Variants in FLNA observed in about 807,000 individuals in gnomAD.
FLNA encodes filamin-A.
A neutral mutation model predicts 157.6 loss-of-function variants in FLNA; 7 were observed. That is an observed-to-expected ratio of 0.04 (90% CI 0.03 to 0.08). FLNA has a LOEUF of 0.08. FLNA is among the 10% of genes least tolerant of loss of function. The pLI is 1.00. For synonymous variants in FLNA, 1,103 were observed against 1,060.8 expected (o/e 1.04, Z -0.77); for missense variants, 1,750 against 2,398.4 (o/e 0.73, Z 5.65).
In FLNA at chrX:154,353,470, GGCCA is replaced by G. The variant is rs2067638275; in HGVS notation, c.5861-17_5861-14del. On this transcript the variant is annotated splice_polypyrimidine_tract_variant and intron_variant, in intron 36 of 47. Coordinates refer to ENST00000369850, the MANE Select transcript of FLNA (RefSeq NM_001110556.2). ...ATGGAGTCGTCACCTGGTGGGGACA[GGCCA>G]GCCATCAGTGTGCGTCCAGCCATGG... 1 of 1,210,179 alleles carries G rather than the reference GGCCA, an allele frequency of 8.3e-7. No individual in the cohort carries two copies.
intron 32 of FLNA, 64 bp from the exon 33 acceptor site, chrX:154,354,547 A>G (rs1182634758): frequency 3.7e-5 from 44 of 1,173,771 alleles, no homozygotes; most frequent in Non-Finnish European, 5.1e-5. Flanking sequence ...CTCCTCACAC[A>G]TGGTAAACTA....
chrX:154,366,054 G>A lies in FLNA; in HGVS notation c.1399C>T (p.Arg467Cys), dbSNP rs367948333. The A allele has an allele frequency of 2.5e-6, 3 of 1,207,639 alleles. No homozygotes were observed. Among genetic ancestry groups the A allele is most frequent in the East Asian group, 3.0e-5 (1 of 33,744 alleles). ...HVTFAGVPIP[R>C]SPYTVTVGQA... ...CCAACAGTGACAGTGTAGGGGCTGC[G>A]AGGGATGGGCACGCCGGCAAACGTG... Residue 467 changes from arginine (R) to cysteine (C), a missense_variant, in exon 9 of 48, where the codon CGC (arginine) becomes TGC (cysteine). Coordinates refer to ENST00000369850, the MANE Select transcript of FLNA (RefSeq NM_001110556.2).
rs2067743809 is a variant in FLNA at position 154,364,869 on chromosome X, A to C, written c.1780T>G (p.Ser594Ala). ...PGLEGGVVGK[S>A]ADFVVEAIGD... is the part of the protein sequence containing the mutation. ...ATAGCCTCCACCACAAAGTCTGCTG[A>C]CTTGCCAACGACGCCGCCCTCCAGC... Residue 594 changes from serine to alanine, a missense_variant, in exon 12 of 48, where the codon TCA becomes GCA. Ser to Ala is a moderately conservative substitution (Grantham distance 99, BLOSUM62 1). Transcript: ENST00000369850. 1 of 1,209,898 alleles carries C rather than the reference A, an allele frequency of 8.3e-7. No homozygotes were observed. Among genetic ancestry groups the C allele is most frequent in the South Asian group, 1.8e-5 (1 of 56,818 alleles).
chrX:154,350,091 G>A lies in FLNA; in HGVS notation c.7273C>T (p.His2425Tyr), dbSNP rs1557175435. 8.3e-7 allele frequency: 1 copy of A among 1,211,282 alleles called. No individual in the cohort carries two copies. Residue 2425 changes from histidine to tyrosine, a missense_variant, in exon 45 of 48, where the codon CAT (histidine) becomes TAT (tyrosine). Around this residue, in one of 5 missense-constraint regions of FLNA, gnomAD observed 970 missense variants for 1,302.6 expected, o/e 0.74. Coordinates refer to ENST00000369850, the MANE Select transcript of FLNA (RefSeq NM_001110556.2). ...GACACCAAGCCTGGGTCCCCTCCAT[G>A]CCCAGGCTCCCCAACTCGGATCTTG... ...PFKIRVGEPG[H>Y]GGDPGLVSAY...
Position 154,362,498 on chromosome X carries a change from T to C in FLNA, c.2485A>G (p.Asn829Asp), listed in dbSNP as rs1557178269. 7 of 1,211,284 alleles carry C rather than the reference T, an allele frequency of 5.8e-6. No individual in the cohort carries two copies. Among genetic ancestry groups the C allele is most frequent in the Middle Eastern group, 2.3e-4 (1 of 4,350 alleles). ...EADIDFDIIR[N>D]DNDTFTVKYT... The stretch of plus-strand genomic sequence containing the variant: ...TTGACCGTGAAGGTGTCATTGTCAT[T>C]GCGGATGATGTCGAAGTCGATGTCA... Residue 829 changes from asparagine (N) to aspartate (D), a missense_variant, in exon 17 of 48, where the codon AAT becomes GAT. Asn to Asp is a conservative substitution (Grantham distance 23). Around this residue, in one of 5 missense-constraint regions of FLNA, gnomAD observed 648 missense variants for 805.8 expected, o/e 0.80. Coordinates refer to ENST00000369850, the MANE Select transcript of FLNA (RefSeq NM_001110556.2).
chrX:154,354,340 G>T (rs376675907), intron 33 of FLNA, 41 bp downstream of exon 33: 2 of 1,211,069 alleles, frequency 1.7e-6, no homozygotes, highest in Non-Finnish European at 2.2e-6. Flanking sequence ...GCACAGTCTG[G>T]CCTCCTTGGC....
In FLNA at chrX:154,362,645, C is replaced by T. The variant is rs782039209; in HGVS notation, c.2404+16G>A. On this transcript the variant is annotated intron_variant, in intron 16 of 47. Transcript: ENST00000369850. The stretch of plus-strand genomic sequence containing the variant: ...CACCCCAGCCACCTGCCCTCCCACC[C>T]ACAGCCAGGCCTTACCCTGGCCAGC... 1 of 1,211,148 alleles carries T rather than the reference C, an allele frequency of 8.3e-7. No individual in the cohort carries two copies. Among genetic ancestry groups the T allele is most frequent in the Non-Finnish European group, 1.1e-6 (1 of 895,482 alleles).
intron 44 of FLNA, chrX:154,350,536 T>C (rs2067611093): frequency 2.6e-6 from 1 of 389,420 alleles, no homozygotes; most frequent in South Asian, 3.6e-5. Flanking sequence ...CTTCAGGTCA[T>C]GCAGCTGGGA....
At chrX:154,355,761 A>G (rs782675535) in intron 30 of FLNA, among the ~76,000 whole-genome samples, 2 of 112,913 alleles carry the variant, frequency 1.8e-5, no homozygotes, top group South Asian at 7.2e-4. Context: ...CTGGGTTGCG[A>G]GGGCAGAGCA....
At chrX:154,368,113 G>T (rs782511388) in intron 2 of FLNA, 23 bp from the exon 3 acceptor site, 10 of 1,208,369 alleles carry the variant, frequency 8.3e-6, no homozygotes, top group Non-Finnish European at 1.1e-5. Context: ...GAGTGGCCAC[G>T]CTGGGCACAC....
Position 154,371,359 on chromosome X carries a change from G to T in FLNA, c.-114C>A. 3.1e-6 allele frequency: 3 copies of T among 978,188 alleles called. No homozygotes were observed. Among genetic ancestry groups the T allele is most frequent in the Non-Finnish European group, 1.4e-6 (1 of 720,833 alleles). The allele number at this position is 978,188 out of a possible 1,213,427, so 80.6% of individuals were successfully genotyped here. On this transcript the variant is annotated splice_region_variant and 5_prime_UTR_variant, in exon 2 of 48. Transcript: ENST00000369850. ...GGAGGCGAGGCAGGGAGCAGAGGTTGCGCTGCGGAGAGAGCGAGCCCTTTA... is the reference window on the plus strand; with the variant it reads ...GGAGGCGAGGCAGGGAGCAGAGGTTTCGCTGCGGAGAGAGCGAGCCCTTTA...
Position 154,362,349 on chromosome X carries a change from G to A in FLNA, c.2566-17C>T, listed in dbSNP as rs1557178212. On this transcript the variant is annotated splice_polypyrimidine_tract_variant and intron_variant, in intron 17 of 47. Transcript: ENST00000369850. ...GGGCGTGGCCTGCAGGCAGTGGGAG[G>A]AGAAGGCCTTAGAGGAGGGCAGACG... is the stretch of plus-strand genomic sequence containing the variant. 6 of 1,207,707 alleles carry A rather than the reference G, an allele frequency of 5.0e-6. No homozygotes were observed. Among genetic ancestry groups the A allele is most frequent in the East Asian group, 3.0e-5 (1 of 33,757 alleles).
At chrX:154,367,193 G>A (rs1040527422) in intron 5 of FLNA, among the ~76,000 whole-genome samples, 10 of 112,312 alleles carry the variant, frequency 8.9e-5, no homozygotes, top group African/African-American at 2.9e-4. Flanking sequence ...CCACGCAGCA[G>A]GCTTCTGTGA....
At chrX:154,373,147 G>A (rs2067820651) in intron 1 of FLNA, among the ~76,000 whole-genome samples, 1 of 112,447 alleles carries the variant, frequency 8.9e-6, no homozygotes, top group Non-Finnish European at 1.9e-5. Flanking sequence ...CTCCCTGCAC[G>A]GGCCCCATTC....
chrX:154,352,967 C>T, intron 38 of FLNA, 34 bp downstream of exon 38: 1 of 1,210,545 alleles, frequency 8.3e-7, no homozygotes, highest in African/African-American at 1.7e-5. Flanking sequence ...ATGCACAGTG[C>T]TCCCGCCCCA....
At chrX:154,363,935 G>GGT (rs1557178579) in intron 15 of FLNA, 87 bp downstream of exon 15, 2 of 1,010,421 alleles carry the variant, frequency 2.0e-6, no homozygotes, top group Non-Finnish European at 2.8e-6. Context: ...GAGTCAGGAT[G>GGT]GTGTGCCACA....
rs797044739 is a variant in FLNA at position 154,351,920 on chromosome X, C to T, written c.6871G>A (p.Gly2291Ser). 64 of 1,210,310 alleles carry T rather than the reference C, an allele frequency of 5.3e-5. No individual in the cohort carries two copies. Among genetic ancestry groups the T allele is most frequent in the Non-Finnish European group, 6.8e-5 (61 of 895,237 alleles). ...ACCACATAAGCCACACCACAGGAGC[C>T]GTCCTTGCGGTCCTCAAAAGAGATC... ...AEISFEDRKD[G>S]SCGVAYVVQE... The change falls in exon 42 of 48, where the codon GGC (glycine) becomes AGC (serine). Residue 2291 changes from glycine (G) to serine (S), a missense_variant. Transcript: ENST00000369850.
In FLNA at chrX:154,360,374, C is replaced by T. The variant is rs201908251; in HGVS notation, c.3421G>A (p.Ala1141Thr). ...GGGGAGCCAGGGATGTGGGTGTCAG[C>T]GAAGAGGATGTTGATGTTGTAGTCC... is the stretch of plus-strand genomic sequence containing the variant. ...PGDYNINILF[A>T]DTHIPGSPFK... The change falls in exon 22 of 48, where the codon GCT becomes ACT. Residue 1141 changes from alanine (A) to threonine (T), a missense_variant. Transcript: ENST00000369850. The T allele has an allele frequency of 2.0e-4, 238 of 1,210,460 alleles. No homozygotes were observed. Among genetic ancestry groups the T allele is most frequent in the Middle Eastern group, 2.3e-4 (1 of 4,377 alleles).
rs1557175327 is a variant in FLNA at position 154,349,585 on chromosome X, G to A, written c.7553-20C>T. The A allele has an allele frequency of 1.7e-6, 2 of 1,210,589 alleles. No homozygotes were observed. Among genetic ancestry groups the A allele is most frequent in the Admixed American group, 4.3e-5 (2 of 46,174 alleles). The stretch of plus-strand genomic sequence containing the variant: ...GGGGGCCTGCAAGGCAGAGTGGGTG[G>A]GGCTAAGAGGTGGCTGTGGTGCCGG... On this transcript the variant is annotated intron_variant, in intron 46 of 47. Transcript: ENST00000369850.
Sources: allele counts gnomAD v4.1 joint callset (sites outside exome capture counted in the v4.1 genomes callset), GRCh38; gene constraint gnomAD v4.1.1; regional missense constraint gnomAD v4.1.1; transcripts MANE v1.5; gene names NCBI Gene and HGNC (gene_info 2026-07-23, HGNC 2026-07-21).